RAI14: variants seen among roughly 807,000 people sequenced by gnomAD.
RAI14 encodes the protein retinoic acid induced 14, also known as ankycorbin.
Under a neutral mutation model 115.4 loss-of-function variants are expected in RAI14, and 45 were observed. The observed-to-expected ratio is 0.39, with a 90% CI of 0.31 to 0.50. The LOEUF (loss-of-function observed/expected upper bound fraction) is 0.50, where lower values mean the gene tolerates loss of function less well. Among genes scored for constraint, RAI14 ranks in the 20% least tolerant of loss-of-function variants. The pLI, the probability that RAI14 is intolerant of heterozygous loss-of-function variation, is 0.85. For missense variants in RAI14, 939 were observed against 1,131.2 expected (o/e 0.83, Z 2.44); for synonymous variants, 371 against 415.4 (o/e 0.89, Z 1.30).
chr5:34,757,061 G>A (rs1473107022), intron 2 of RAI14, among the ~76,000 whole-genome samples: 1 of 152,194 alleles, frequency 6.6e-6, no homozygotes, highest in Non-Finnish European at 1.5e-5. Flanking sequence ...TGAGCTGCTG[G>A]TTTGGTTCTG....
chr5:34,789,252 A>T (rs543791943), intron 3 of RAI14, among the ~76,000 whole-genome samples: 15 of 152,318 alleles, frequency 9.8e-5, no homozygotes, highest in African/African-American at 3.6e-4. Context: ...CAGTCACTGC[A>T]TACATAAGAA....
chr5:34,700,079 C>T (rs1317905521), intron 2 of RAI14, among the ~76,000 whole-genome samples: 1 of 152,068 alleles, frequency 6.6e-6, no homozygotes, highest in Non-Finnish European at 1.5e-5. Context: ...AGGCCCAAAG[C>T]GCAAATTGGG....
intron 2 of RAI14, among the ~76,000 whole-genome samples, chr5:34,737,533 G>T (rs1179056147): frequency 1.3e-5 from 2 of 151,704 alleles, no homozygotes; most frequent in African/African-American, 4.8e-5. Flanking sequence ...CCAAGATGAG[G>T]ATCGCTTGAG....
rs1348772907 is a variant in RAI14, at chr5:34,808,631, A to G, written c.427A>G (p.Ser143Gly). 3 of 1,614,178 alleles carry G rather than the reference A, an allele frequency of 1.9e-6. No individual in the cohort carries two copies. The highest frequency in any genetic ancestry group is 1.7e-6 in the Non-Finnish European group (2 of 1,180,026). ...QAVQILCEHK[S>G]PINLKDLDGN... ...TGTGCAGATTCTCTGCGAACACAAG[A>G]GCCCCATAAACCTCAAAGATTTGGT... The change falls in exon 7 of 18, where the codon AGC (serine) becomes GGC (glycine). Residue 143 changes from serine to glycine, a missense_variant. Coordinates refer to ENST00000265109, the MANE Select transcript of RAI14 (RefSeq NM_015577.3).
intron 2 of RAI14, among the ~76,000 whole-genome samples, chr5:34,724,282 C>T (rs1045141352): frequency 8.5e-5 from 13 of 152,166 alleles, no homozygotes; most frequent in Admixed American, 7.9e-4. Context: ...TCCCAAAGTG[C>T]TGGGATTACA....
chr5:34,676,279 T>C (rs1743968397), intron 1 of RAI14, among the ~76,000 whole-genome samples: 1 of 152,214 alleles, frequency 6.6e-6, no homozygotes, highest in Admixed American at 6.5e-5. Flanking sequence ...CTGGGCACTC[T>C]GTGAGGTGGT....
chr5:34,726,064 A>G (rs1036251398), intron 2 of RAI14, among the ~76,000 whole-genome samples: 5 of 151,842 alleles, frequency 3.3e-5, no homozygotes, highest in Admixed American at 6.6e-5. Flanking sequence ...TTTAGACGTT[A>G]TACTAGTATT....
In RAI14 at chr5:34,822,664, CTTTTTTTTTTTTTTTTTT is replaced by C. The variant is rs143092935; in HGVS notation, c.1114-272_1114-255del. On this transcript the variant is annotated intron_variant, in intron 14 of 17. Transcript: ENST00000265109. Reference sequence around the variant, plus strand: ...GCTTAGCTAACCACGCCTTTGGTATCTTTTTTTTTTTTTTTTTTTTTTTTTTTTTTTTTTTTTGAGACG... The same window carrying C: ...GCTTAGCTAACCACGCCTTTGGTATCTTTTTTTTTTTTTTTTTTTGAGACG... Among the ~76,000 whole-genome samples the C allele has an allele frequency of 1.1e-3, 50 of 47,568 alleles. 1 individual carries two copies. In the South Asian group the frequency reaches 0.015, roughly 14 times the overall value. The allele number at this position is 47,568 out of a possible 152,430, so 31.2% of individuals were successfully genotyped here.
At chr5:34,800,427 A>G (rs1024543530) in intron 4 of RAI14, among the ~76,000 whole-genome samples, 6 of 152,228 alleles carry the variant, frequency 3.9e-5, no homozygotes, top group African/African-American at 1.4e-4. Flanking sequence ...TACTCTAGAC[A>G]GATCCACAGC....
At chr5:34,706,143 C>T (rs1561259555) in intron 2 of RAI14, among the ~76,000 whole-genome samples, 2 of 152,120 alleles carry the variant, frequency 1.3e-5, no homozygotes, top group African/African-American at 4.8e-5. Context: ...TTGTTCTGCC[C>T]TAGTGTTATT....
intron 1 of RAI14, chr5:34,685,909 T>C (rs577363349): frequency 6.6e-6 from 1 of 152,324 alleles, no homozygotes; most frequent in African/African-American, 2.4e-5. Flanking sequence ...TCAGCTCAAC[T>C]CAGAATTGCT....
intron 2 of RAI14, among the ~76,000 whole-genome samples, chr5:34,697,782 T>C (rs1423578567): frequency 6.6e-6 from 1 of 152,192 alleles, no homozygotes. Flanking sequence ...AATTGTGCAA[T>C]ATGAGGATTC....
At chr5:34,703,994 T>C (rs374650579) in intron 2 of RAI14, among the ~76,000 whole-genome samples, 1 of 152,228 alleles carries the variant, frequency 6.6e-6, no homozygotes, top group Non-Finnish European at 1.5e-5. Flanking sequence ...ACTTGAGGAA[T>C]TGTTAGAAAT....
At chr5:34,826,197 T>G in intron 15 of RAI14, 133 bp from the exon 16 acceptor site, 1 of 746,874 alleles carries the variant, frequency 1.3e-6, no homozygotes. Flanking sequence ...TTAAATGTAT[T>G]AAAAAGGAAT....
Position 34,824,516 on chromosome 5 carries a change from G to A in RAI14, c.2649+25G>A, listed in dbSNP as rs368058147. The A allele has an allele frequency of 2.3e-5, 34 of 1,508,622 alleles. No homozygotes were observed. The African/African-American group carries it at 4.6e-4, about 21-fold the overall frequency. The allele number at this position is 1,508,622 out of a possible 1,614,324, so 93.5% of individuals were successfully genotyped here. A position where few individuals can be genotyped will look rare whatever the true frequency, so the allele number is the denominator to read the frequency against. ...GGTTGGTGAAACTGTATTGCTGTTGGGTTTCTAGCAATAAGTCTTAGTCTC... is the reference window on the plus strand; with the variant it reads ...GGTTGGTGAAACTGTATTGCTGTTGAGTTTCTAGCAATAAGTCTTAGTCTC... On this transcript the variant is annotated intron_variant, in intron 15 of 17. Transcript: ENST00000265109.
At chr5:34,660,792 T>C (rs1048062865) in intron 1 of RAI14, among the ~76,000 whole-genome samples, 7 of 151,602 alleles carry the variant, frequency 4.6e-5, no homozygotes, top group South Asian at 2.1e-4. Flanking sequence ...TTTTTTTTTT[T>C]CCCTAAGTTC....
At chr5:34,821,312 G>C (rs1345084263) in intron 13 of RAI14, among the ~76,000 whole-genome samples, 1 of 152,148 alleles carries the variant, frequency 6.6e-6, no homozygotes, top group Non-Finnish European at 1.5e-5. Flanking sequence ...GAGTTTCCAA[G>C]TAAGGTGATA....
chr5:34,708,212 T>TTTTTTTTTTTTTTCTTTTTTTTC (rs1427460150), intron 2 of RAI14, among the ~76,000 whole-genome samples: 1 of 151,906 alleles, frequency 6.6e-6, no homozygotes, highest in Non-Finnish European at 1.5e-5. Flanking sequence ...TTTTTGTTTT[T>TTTTTTTTTTTTTTCTTTTTTTTC]TTTTTTTGAG....
chr5:34,702,660 C>G (rs1740221867), intron 2 of RAI14, among the ~76,000 whole-genome samples: 1 of 152,188 alleles, frequency 6.6e-6, no homozygotes, highest in African/African-American at 2.4e-5. Flanking sequence ...TCGGGTTGGC[C>G]ACTGTTATAA....
Sources: allele counts gnomAD v4.1 joint callset (sites outside exome capture counted in the v4.1 genomes callset), GRCh38; gene constraint gnomAD v4.1.1; transcripts MANE v1.5; gene names NCBI Gene and HGNC (gene_info 2026-07-23, HGNC 2026-07-21).